The following LIN7A variants were observed in gnomAD, a reference collection of about 807,000 sequenced individuals.
LIN7A encodes lin-7 cell polarity scaffold A.
Under a neutral mutation model 29.8 loss-of-function variants are expected in LIN7A, and 25 were observed. The observed-to-expected ratio is 0.84, with a 90% CI of 0.61 to 1.17. The LOEUF (loss-of-function observed/expected upper bound fraction) is 1.17, where lower values mean the gene tolerates loss of function less well. Ranked by LOEUF, LIN7A falls within the 50% of genes most tolerant of loss-of-function variation. The pLI is 0.00. For synonymous variants in LIN7A, 118 were observed against 107.5 expected, an observed-to-expected ratio of 1.10 and a Z score of -0.60; for missense variants, 239 against 287.0, an observed-to-expected ratio of 0.83 and a Z score of 1.21.
intron 5 of LIN7A, among the ~76,000 whole-genome samples, chr12:80,806,983 C>T (rs1474278413): frequency 6.7e-6 from 1 of 148,968 alleles, no homozygotes; most frequent in East Asian, 2.0e-4. Flanking sequence ...CCAGAAATAA[C>T]ATAGTTTGTA....
At chr12:80,931,352 A>T (rs1877892651) in intron 1 of LIN7A, among the ~76,000 whole-genome samples, 1 of 152,194 alleles carries the variant, frequency 6.6e-6, no homozygotes, top group Non-Finnish European at 1.5e-5. Context: ...TTATCAAATA[A>T]AAAACAGGCT....
chr12:80,884,744 A>G (rs1276824441), intron 2 of LIN7A, among the ~76,000 whole-genome samples: 1 of 152,192 alleles, frequency 6.6e-6, no homozygotes, highest in Non-Finnish European at 1.5e-5. Flanking sequence ...TTCTTATTCT[A>G]TACTTCTACT....
intron 1 of LIN7A, among the ~76,000 whole-genome samples, chr12:80,926,045 G>C (rs1041548422): frequency 3.3e-5 from 5 of 152,146 alleles, no homozygotes; most frequent in Admixed American, 1.3e-4. Flanking sequence ...ATCGTTGCAT[G>C]GTTGTTTCTG....
intron 4 of LIN7A, among the ~76,000 whole-genome samples, chr12:80,837,589 C>G (rs1218286199): frequency 6.6e-6 from 1 of 152,122 alleles, no homozygotes; most frequent in African/African-American, 2.4e-5. Context: ...TGGTTTGGAG[C>G]TAGTGAAACT....
intron 1 of LIN7A, among the ~76,000 whole-genome samples, chr12:80,922,491 G>A (rs1000588475): frequency 6.6e-6 from 1 of 152,100 alleles, no homozygotes; most frequent in Non-Finnish European, 1.5e-5. Context: ...AAGAAGTTTT[G>A]TCTGTGTATT....
At chr12:80,835,980 A>G (rs1276614404) in intron 4 of LIN7A, among the ~76,000 whole-genome samples, 1 of 152,222 alleles carries the variant, frequency 6.6e-6, no homozygotes, top group Non-Finnish European at 1.5e-5. Context: ...GAAAATTTCA[A>G]TACAAAAAAT....
At chr12:80,910,503 A>T (rs1308758631) in intron 1 of LIN7A, among the ~76,000 whole-genome samples, 2 of 152,162 alleles carry the variant, frequency 1.3e-5, no homozygotes, top group African/African-American at 4.8e-5. Context: ...ATTAAGTATG[A>T]TATCTACTAT....
In LIN7A at chr12:80,808,680, T is replaced by C. The variant is rs1466547820; in HGVS notation, c.*2785A>G. Reference sequence around the variant, plus strand: ...GCCACCACGCCCGGCTAATTTTTTGTATTTTTAGTAGAGACGAGGTTTCAC... The same window carrying C: ...GCCACCACGCCCGGCTAATTTTTTGCATTTTTAGTAGAGACGAGGTTTCAC... On this transcript the variant is annotated intron_variant, in intron 5 of 5. Coordinates refer to ENST00000552864, the MANE Select transcript of LIN7A (RefSeq NM_004664.4). Among the ~76,000 whole-genome samples, 5 of 151,692 alleles carry C rather than the reference T, an allele frequency of 3.3e-5. No individual in the cohort carries two copies. The East Asian group carries it at 9.8e-4, about 30-fold the overall frequency.
chr12:80,913,908 G>A (rs370417304), intron 1 of LIN7A, among the ~76,000 whole-genome samples: 4 of 151,930 alleles, frequency 2.6e-5, no homozygotes, highest in Admixed American at 6.6e-5. Context: ...ATTATTTGGC[G>A]TCTATGCTTC....
At chr12:80,830,525 T>G (rs1872295745) in intron 4 of LIN7A, among the ~76,000 whole-genome samples, 2 of 152,168 alleles carry the variant, frequency 1.3e-5, no homozygotes, top group African/African-American at 4.8e-5. Flanking sequence ...GTTACTACAT[T>G]TGGGGGTGCT....
chr12:80,854,505 A>AAAAAAAAC (rs1565902856), intron 2 of LIN7A, among the ~76,000 whole-genome samples: 1 of 151,554 alleles, frequency 6.6e-6, no homozygotes, highest in African/African-American at 2.4e-5. Context: ...AAAAAAAAAA[A>AAAAAAAAC]AAAGCCAGAC....
At chr12:80,925,463 A>C (rs1283571206) in intron 1 of LIN7A, among the ~76,000 whole-genome samples, 2 of 152,236 alleles carry the variant, frequency 1.3e-5, no homozygotes, top group Admixed American at 6.5e-5. Context: ...GGGTGGAAGC[A>C]CATGATATCC....
chr12:80,873,450 T>G (rs1342754300), intron 2 of LIN7A, among the ~76,000 whole-genome samples: 1 of 151,648 alleles, frequency 6.6e-6, no homozygotes, highest in South Asian at 2.1e-4. Context: ...GGAGGACTGC[T>G]TGAGCCCAGG....
At chr12:80,933,232 A>G (rs1439028238) in intron 1 of LIN7A, among the ~76,000 whole-genome samples, 2 of 152,204 alleles carry the variant, frequency 1.3e-5, no homozygotes, top group Non-Finnish European at 2.9e-5. Context: ...AAGCTGATCT[A>G]TAGATTTTCT....
chr12:80,826,965 C>G (rs1872109154), intron 4 of LIN7A, among the ~76,000 whole-genome samples: 2 of 152,184 alleles, frequency 1.3e-5, no homozygotes, highest in African/African-American at 4.8e-5. Context: ...GCACAGTACT[C>G]ATCCAGTGTT....
chr12:80,879,838 A>C (rs1874936061), intron 2 of LIN7A, among the ~76,000 whole-genome samples: 1 of 152,180 alleles, frequency 6.6e-6, no homozygotes, highest in African/African-American at 2.4e-5. Context: ...CAGTCGGAGC[A>C]GAGCAGACGT....
intron 2 of LIN7A, among the ~76,000 whole-genome samples, chr12:80,863,516 G>T (rs1229114661): frequency 6.6e-6 from 1 of 152,148 alleles, no homozygotes; most frequent in African/African-American, 2.4e-5. Flanking sequence ...GAATTATCCA[G>T]ATTTCCCAGG....
intron 1 of LIN7A, among the ~76,000 whole-genome samples, chr12:80,934,486 A>G (rs371001375): frequency 8.3e-4 from 126 of 152,312 alleles, no homozygotes; most frequent in Middle Eastern, 6.8e-3. Flanking sequence ...ACCTTGAAAA[A>G]GCTTACTTCC....
intron 2 of LIN7A, among the ~76,000 whole-genome samples, chr12:80,854,486 C>CAAAAA (rs34687099): frequency 9.2e-6 from 1 of 108,926 alleles, no homozygotes; most frequent in South Asian, 3.2e-4. Flanking sequence ...GTTGCTAAGC[C>CAAAAA]AAAAAAAAAA....
Sources: gnomAD v4.1 joint callset for allele counts (sites outside exome capture counted in the v4.1 genomes callset) on GRCh38, gnomAD v4.1.1 for gene constraint, MANE v1.5 for transcripts, NCBI Gene and HGNC (gene_info 2026-07-23, HGNC 2026-07-21) for gene names.